Variants in TAF4 observed in about 807,000 individuals in gnomAD.
TAF4 encodes the protein transcription initiation factor TFIID subunit 4.
In TAF4, 9 loss-of-function variants were observed where a neutral mutation model predicts 90.3. That is an observed-to-expected ratio of 0.10 (90% CI 0.06 to 0.17). The LOEUF (loss-of-function observed/expected upper bound fraction) is 0.17, where lower values mean the gene tolerates loss of function less well. Among genes scored for constraint, TAF4 ranks in the 10% least tolerant of loss-of-function variants. The pLI, the probability that TAF4 is intolerant of heterozygous loss-of-function variation, is 1.00. For missense variants in TAF4, 1,351 were observed against 1,370.7 expected, an observed-to-expected ratio of 0.99 and a Z score of 0.23; for synonymous variants, 818 against 638.9, an observed-to-expected ratio of 1.28 and a Z score of -4.23.
intron 14 of TAF4, among the ~76,000 whole-genome samples, chr20:61,984,023 T>A (rs943956558): frequency 2.0e-5 from 3 of 151,870 alleles, no homozygotes; most frequent in Non-Finnish European, 4.4e-5. Flanking sequence ...CCCCTACCAA[T>A]AAAAACGCAG....
At chr20:62,029,842 C>T (rs909784400) in intron 1 of TAF4, among the ~76,000 whole-genome samples, 6 of 152,038 alleles carry the variant, frequency 3.9e-5, no homozygotes, top group African/African-American at 1.2e-4. Flanking sequence ...GGAGTCGGAG[C>T]TTGCGGTGAG....
At chr20:62,038,735 G>A (rs1411854519) in intron 1 of TAF4, among the ~76,000 whole-genome samples, 1 of 152,114 alleles carries the variant, frequency 6.6e-6, no homozygotes, top group Non-Finnish European at 1.5e-5. Flanking sequence ...CCGATCTATA[G>A]ACTCAATACA....
At chr20:61,998,395 A>G (rs1395783533) in intron 12 of TAF4, among the ~76,000 whole-genome samples, 1 of 152,238 alleles carries the variant, frequency 6.6e-6, no homozygotes, top group African/African-American at 2.4e-5. Flanking sequence ...AAAAGTCAGT[A>G]ACATTTGGAT....
In TAF4 at chr20:62,064,522, G is replaced by C; in HGVS notation, c.1289C>G (p.Thr430Ser). ...TSGIRATLTPTVLAPRLPQPP... is the reference protein window; with the variant it reads ...TSGIRATLTPSVLAPRLPQPP... ...CTGCGGCAAGCGGGGGGCCAGCACGGTGGGCGTCAGGGTGGCCCGAATCCC... is the reference window on the plus strand; with the variant it reads ...CTGCGGCAAGCGGGGGGCCAGCACGCTGGGCGTCAGGGTGGCCCGAATCCC... Residue 430 changes from threonine (T) to serine (S), a missense_variant, in exon 1 of 15, where the codon ACC becomes AGC. This residue lies in a region of TAF4 where 782 missense variants were observed against 536.6 expected (regional missense o/e 1.46). Transcript: ENST00000252996. The C allele has an allele frequency of 6.5e-7, 1 of 1,529,900 alleles. No homozygotes were observed. The highest frequency in any genetic ancestry group is 1.2e-5 in the South Asian group (1 of 81,762). The allele number at this position is 1,529,900 out of a possible 1,614,324, so 94.8% of individuals were successfully genotyped here. A position where few individuals can be genotyped will look rare whatever the true frequency, so the allele number is the denominator to read the frequency against.
rs186395320 is a variant in TAF4 at position 61,992,311 on chromosome 20, T to C, written c.3090+5239A>G. 3.1e-4 allele frequency among the ~76,000 whole-genome samples: 47 copies of C among 152,352 alleles called. No homozygotes were observed. In the East Asian group the frequency reaches 8.9e-3, roughly 29 times the overall value. ...AAGGGAGAAAGCACATGAACAACTT[T>C]CGGCTGTTTTCACCACCCTCGGCAG... On this transcript the variant is annotated intron_variant, in intron 14 of 14. Transcript: ENST00000252996.
rs768283223 is a variant in TAF4 at position 62,012,919 on chromosome 20, T to C, written c.1537A>G (p.Ile513Val). The part of the protein sequence containing the change: ...ISTVQAPGTP[I>V]IARQVTPTTI... ...GTTGGGGTCACCTGCCGTGCAATGA[T>C]AGGTGTTCCAGGTGCCTGAAAAATA... The change falls in exon 3 of 15, where the codon ATC (isoleucine) becomes GTC (valine). Residue 513 changes from isoleucine (I) to valine (V), a missense_variant. Coordinates refer to ENST00000252996, the MANE Select transcript of TAF4 (RefSeq NM_003185.4). 2.4e-5 allele frequency: 39 copies of C among 1,613,492 alleles called. No individual in the cohort carries two copies. The highest frequency in any genetic ancestry group is 3.2e-5 in the Non-Finnish European group (38 of 1,179,910).
chr20:62,031,859 A>C (rs2055906275), intron 1 of TAF4, among the ~76,000 whole-genome samples: 1 of 152,090 alleles, frequency 6.6e-6, no homozygotes, highest in African/African-American at 2.4e-5. Flanking sequence ...GCTCGCAGGG[A>C]AGGCCCCGTG....
intron 14 of TAF4, among the ~76,000 whole-genome samples, chr20:61,981,945 C>A (rs1345412006): frequency 1.3e-5 from 2 of 148,362 alleles, no homozygotes; most frequent in Non-Finnish European, 1.5e-5. Context: ...CCCACACAAC[C>A]CACACCCACC....
intron 1 of TAF4, among the ~76,000 whole-genome samples, chr20:62,061,558 A>C (rs1412552087): frequency 6.6e-6 from 1 of 152,226 alleles, no homozygotes; most frequent in African/African-American, 2.4e-5. Flanking sequence ...TTTAGAAATG[A>C]GCTTCTTTAC....
intron 12 of TAF4, among the ~76,000 whole-genome samples, chr20:61,998,744 G>C (rs1180576648): frequency 6.6e-6 from 1 of 152,256 alleles, no homozygotes; most frequent in Non-Finnish European, 1.5e-5. Flanking sequence ...ACCTGGGTGT[G>C]ACTGTGTGGA....
intron 1 of TAF4, among the ~76,000 whole-genome samples, chr20:62,040,409 T>G (rs2055957004): frequency 1.3e-5 from 2 of 152,210 alleles, no homozygotes; most frequent in Non-Finnish European, 2.9e-5. Flanking sequence ...TACAAAATTC[T>G]AGAAGAGGCA....
chr20:62,012,698 T>G (rs965156711), intron 3 of TAF4, 117 bp downstream of exon 3: 252 of 1,317,806 alleles, frequency 1.9e-4, no homozygotes, highest in Non-Finnish European at 2.4e-4. Flanking sequence ...CTCCCCAGAT[T>G]TGACGTAGTA....
At position 62,054,316 on chromosome 20, in the gene TAF4, C is replaced by T. The variant is rs571297225; in HGVS notation, c.1360+10135G>A. 2.6e-5 allele frequency among the ~76,000 whole-genome samples: 4 copies of T among 152,312 alleles called. No homozygotes were observed. In the East Asian group the frequency reaches 7.7e-4, roughly 29 times the overall value. ...GTCACCTCTGTGAGCCTCAGCGTCT[C>T]TGTGGAAGGGGACTCTCTTCCAGGA... is the stretch of plus-strand genomic sequence containing the variant. On this transcript the variant is annotated intron_variant, in intron 1 of 14. Transcript: ENST00000252996.
At chr20:62,028,314 A>G (rs1009113941) in intron 1 of TAF4, among the ~76,000 whole-genome samples, 2 of 152,196 alleles carry the variant, frequency 1.3e-5, no homozygotes, top group African/African-American at 4.8e-5. Flanking sequence ...TTAACTTTAA[A>G]TGGCTGAGGT....
At chr20:62,019,996 G>A (rs1291423000) in intron 1 of TAF4, among the ~76,000 whole-genome samples, 1 of 152,182 alleles carries the variant, frequency 6.6e-6, no homozygotes, top group Non-Finnish European at 1.5e-5. Flanking sequence ...GGCCTCCTGA[G>A]GCCCAGCCCC....
intron 1 of TAF4, among the ~76,000 whole-genome samples, chr20:62,054,908 C>T (rs553921433): frequency 6.2e-4 from 95 of 152,250 alleles, no homozygotes; most frequent in Middle Eastern, 6.8e-3. Flanking sequence ...CCTCTCACCC[C>T]GCCTGCCCAC....
At chr20:61,988,029 A>G (rs756603201) in intron 14 of TAF4, among the ~76,000 whole-genome samples, 20 of 152,236 alleles carry the variant, frequency 1.3e-4, no homozygotes, top group Non-Finnish European at 2.4e-4. Context: ...CTAGGAGACA[A>G]TAAGATCCGT....
chr20:62,052,632 G>A (rs2056035712), intron 1 of TAF4, among the ~76,000 whole-genome samples: 1 of 151,832 alleles, frequency 6.6e-6, no homozygotes, highest in Admixed American at 6.6e-5. Flanking sequence ...ATGGGCAAGT[G>A]TCCCATGGCT....
chr20:62,047,906 G>A lies in TAF4; in HGVS notation c.1360+16545C>T, dbSNP rs181396055. ...ACACCAGCACCCGGGATTCCTCGCC[G>A]AGATGTTCAAACACGGGCGCTGCCT... On this transcript the variant is annotated intron_variant, in intron 1 of 14. Transcript: ENST00000252996. 1.1e-3 allele frequency among the ~76,000 whole-genome samples: 160 copies of A among 152,312 alleles called. 3 individuals are homozygous for A. Among genetic ancestry groups the A allele is most frequent in the Admixed American group, 2.0e-3 (31 of 15,306 alleles).
Sources: gnomAD v4.1 joint callset for allele counts (sites outside exome capture counted in the v4.1 genomes callset) on GRCh38, gnomAD v4.1.1 for gene constraint, gnomAD v4.1.1 regional missense constraint, MANE v1.5 for transcripts, NCBI Gene and HGNC (gene_info 2026-07-23, HGNC 2026-07-21) for gene names.